The following FURIN variants were observed in gnomAD, a reference collection of about 807,000 sequenced individuals.
The protein encoded by FURIN is FES upstream region.
FURIN carries 18 observed loss-of-function variants against 89.2 expected under a neutral mutation model. The ratio of observed to expected loss-of-function variants is 0.20; its 90% CI spans 0.14 to 0.30. FURIN has a LOEUF of 0.30. FURIN is among the 10% of genes least tolerant of loss of function. The pLI, the probability that FURIN is intolerant of heterozygous loss-of-function variation, is 1.00. For missense variants in FURIN, 879 were observed against 1,100.5 expected, an observed-to-expected ratio of 0.80 and a Z score of 2.85; for synonymous variants, 508 against 466.4, an observed-to-expected ratio of 1.09 and a Z score of -1.15.
intron 1 of FURIN, among the ~76,000 whole-genome samples, chr15:90,872,435 T>G (rs1054193683): frequency 2.0e-5 from 3 of 152,040 alleles, no homozygotes; most frequent in African/African-American, 7.2e-5. Flanking sequence ...CTATTCTGAC[T>G]TGGGAAGTGC....
chr15:90,879,227 C>T (rs2031803634), intron 9 of FURIN, among the ~76,000 whole-genome samples: 1 of 152,204 alleles, frequency 6.6e-6, no homozygotes, highest in Non-Finnish European at 1.5e-5. Flanking sequence ...TCTAGTTGAA[C>T]CCCCTTATTC....
intron 1 of FURIN, among the ~76,000 whole-genome samples, chr15:90,870,684 C>A (rs2031243591): frequency 6.6e-6 from 1 of 152,196 alleles, no homozygotes; most frequent in African/African-American, 2.4e-5. Context: ...CAAACGTTTT[C>A]TAGGGCCCAG....
chr15:90,877,330 GC>G, intron 6 of FURIN, 119 bp downstream of exon 6: 1 of 991,758 alleles, frequency 1.0e-6, no homozygotes, highest in Non-Finnish European at 1.5e-6. Context: ...CACAGTCCTG[GC>G]CCACCTGGGG....
intron 1 of FURIN, among the ~76,000 whole-genome samples, chr15:90,872,200 A>G (rs2031353905): frequency 6.6e-6 from 1 of 151,322 alleles, no homozygotes; most frequent in Admixed American, 6.6e-5. Flanking sequence ...CGGGTGCGGG[A>G]TCCGCGGGCG....
At position 90,879,502 on chromosome 15, in the gene FURIN, C is replaced by T; in HGVS notation, c.1112C>T (p.Ala371Val). The T allele has an allele frequency of 6.2e-7, 1 of 1,613,386 alleles. No homozygotes were observed. The stretch of plus-strand genomic sequence containing the variant: ...TCTCACACGGGCACCTCAGCCTCTG[C>T]CCCCTTAGCAGCCGGCATCATTGCT... ...TESHTGTSAS[A>V]PLAAGIIALT... The change falls in exon 10 of 16, where the codon GCC becomes GTC. Residue 371 changes from alanine (A) to valine (V), a missense_variant. By Grantham distance (64) the Ala-to-Val change is moderately conservative. Transcript: ENST00000268171.
chr15:90,869,663 C>T (rs1236313185), intron 1 of FURIN, among the ~76,000 whole-genome samples: 1 of 152,192 alleles, frequency 6.6e-6, no homozygotes, highest in Non-Finnish European at 1.5e-5. Context: ...GGAAGCTCCA[C>T]TTCCCACCGC....
chr15:90,879,581 C>G (rs1478045415), intron 10 of FURIN, 37 bp downstream of exon 10: 1 of 1,563,178 alleles, frequency 6.4e-7, no homozygotes, highest in Admixed American at 1.7e-5. Context: ...CCTGTCCCTA[C>G]CAGCACTCTC....
chr15:90,879,377 G>T (rs941153619), intron 9 of FURIN, 67 bp from the exon 10 acceptor site: 1 of 1,145,774 alleles, frequency 8.7e-7, no homozygotes, highest in Non-Finnish European at 1.3e-6. Flanking sequence ...CAGAGGGAGG[G>T]TAGGCAGGTG....
Position 90,882,971 on chromosome 15 carries a change from G to A in FURIN, c.*1093G>A, listed in dbSNP as rs1241050628. On this transcript the variant is annotated 3_prime_UTR_variant, in exon 16 of 16. Coordinates refer to ENST00000268171, the MANE Select transcript of FURIN (RefSeq NM_002569.4). ...AGGCGGGCCAGCCAGGCGGGCTCAA[G>A]GAAAGGGGGTCCCAGTGGGAGGGGC... 6.6e-6 allele frequency: 1 copy of A among 152,400 alleles called. No individual in the cohort carries two copies. The highest frequency in any genetic ancestry group is 1.5e-5 in the Non-Finnish European group (1 of 68,098). 9.4% of individuals were successfully genotyped at this position (152,400 alleles called of 1,614,324 possible).
intron 6 of FURIN, 62 bp from the exon 7 acceptor site, chr15:90,877,465 A>C (rs1208319154): frequency 1.5e-6 from 2 of 1,339,196 alleles, no homozygotes; most frequent in African/African-American, 2.9e-5. Flanking sequence ...TCCTCAGGCC[A>C]CATCTGCCGG....
In FURIN at chr15:90,876,160, G is replaced by A; in HGVS notation, c.178-95G>A. On this transcript the variant is annotated intron_variant, in intron 2 of 15. Coordinates refer to ENST00000268171, the MANE Select transcript of FURIN (RefSeq NM_002569.4). The surrounding 1 kb of genome is among the most constrained non-coding windows in gnomAD (Gnocchi z 5.0). ...CAGATGCCCCGCACCCCCGACCGTG[G>A]CGAGCCTCCCATGAAGCCGTTGTCC... The A allele has an allele frequency of 2.2e-6, 2 of 913,274 alleles. No individual in the cohort carries two copies. Among genetic ancestry groups the A allele is most frequent in the Admixed American group, 3.5e-5 (2 of 57,262 alleles). The allele number at this position is 913,274 out of a possible 1,614,324, so 56.6% of individuals were successfully genotyped here. A position where few individuals can be genotyped will look rare whatever the true frequency, so the allele number is the denominator to read the frequency against.
At chr15:90,880,060 G>T in intron 12 of FURIN, 34 bp from the exon 13 acceptor site, 1 of 1,604,632 alleles carries the variant, frequency 6.2e-7, no homozygotes, top group Non-Finnish European at 8.5e-7. Flanking sequence ...GTCCCTCTGG[G>T]CCAGGCTGAC....
At chr15:90,871,564 C>G (rs1231124665) in intron 1 of FURIN, 3 of 148,030 alleles carry the variant, frequency 2.0e-5, no homozygotes, top group Non-Finnish European at 4.5e-5. Context: ...CGAGCCGCCG[C>G]GGCGGTCGCC....
At position 90,879,665 on chromosome 15, in the gene FURIN, T is replaced by C; in HGVS notation, c.1155-6T>C. On this transcript the variant is annotated splice_region_variant and splice_polypyrimidine_tract_variant and intron_variant, in intron 10 of 15. Coordinates refer to ENST00000268171, the MANE Select transcript of FURIN (RefSeq NM_002569.4). ...GATCCCCAGCCTCTCCCTTCCTTCTTTGCAGTAAGAACCTCACATGGCGGG... is the reference window on the plus strand; with the variant it reads ...GATCCCCAGCCTCTCCCTTCCTTCTCTGCAGTAAGAACCTCACATGGCGGG... 1 of 1,609,116 alleles carries C rather than the reference T, an allele frequency of 6.2e-7. No individual in the cohort carries two copies. The highest frequency in any genetic ancestry group is 8.5e-7 in the Non-Finnish European group (1 of 1,178,510).
intron 1 of FURIN, among the ~76,000 whole-genome samples, chr15:90,872,482 G>A (rs1035527573): frequency 6.6e-6 from 1 of 152,178 alleles, no homozygotes; most frequent in Non-Finnish European, 1.5e-5. Flanking sequence ...GTGAGGGCGG[G>A]TGCTGAGCAG....
intron 1 of FURIN, among the ~76,000 whole-genome samples, chr15:90,869,410 GATTT>G (rs917379629): frequency 7.2e-5 from 11 of 152,334 alleles, no homozygotes; most frequent in African/African-American, 2.6e-4. Context: ...GGTCAAATGG[GATTT>G]TTTTCCAGAG....
intron 7 of FURIN, 78 bp downstream of exon 7, chr15:90,877,693 A>T (rs113446259): frequency 1.0e-6 from 1 of 979,988 alleles, no homozygotes; most frequent in Non-Finnish European, 1.5e-6. Context: ...CCATCTGGCC[A>T]ATGCCTGCCA....
Position 90,875,937 on chromosome 15 carries a change from A to G in FURIN, c.177+20A>G, listed in dbSNP as rs1645043359. On this transcript the variant is annotated intron_variant, in intron 2 of 15. Transcript: ENST00000268171. ...GGCCAGGTAGGTGTTCCCCCACAGG[A>G]CACTGCCAGGGGGTGGGACCAGAGA... The G allele has an allele frequency of 6.4e-7, 1 of 1,551,004 alleles. No individual in the cohort carries two copies. Among genetic ancestry groups the G allele is most frequent in the African/African-American group, 1.4e-5 (1 of 74,062 alleles).
At position 90,878,295 on chromosome 15, in the gene FURIN, G is replaced by A. The variant is rs1479543258; in HGVS notation, c.831G>A (p.Gly277=). The change falls in exon 8 of 16, where the codon GGG becomes GGA. Residue 277 remains glycine (G), a synonymous_variant. Transcript: ENST00000268171. The part of the protein sequence containing the change: ...ARLAEEAFFR[G]VSQGRGGLGS... ...TCGCCGAGGAGGCCTTCTTCCGTGGGGTTAGCCAGGTGAGGTGGGGATCTG... is the reference window on the plus strand; with the variant it reads ...TCGCCGAGGAGGCCTTCTTCCGTGGAGTTAGCCAGGTGAGGTGGGGATCTG... 7 of 1,593,220 alleles carry A rather than the reference G, an allele frequency of 4.4e-6. No homozygotes were observed. The highest frequency in any genetic ancestry group is 5.1e-6 in the Non-Finnish European group (6 of 1,167,514).
Sources: gnomAD v4.1 joint callset for allele counts (sites outside exome capture counted in the v4.1 genomes callset) on GRCh38, gnomAD v4.1.1 for gene constraint, Gnocchi (gnomAD v3.1) non-coding constraint, MANE v1.5 for transcripts, NCBI Gene and HGNC (gene_info 2026-07-23, HGNC 2026-07-21) for gene names.